Variants in EPSTI1 observed in about 807,000 individuals in gnomAD.
The protein encoded by EPSTI1 is epithelial stromal interaction 1.
A neutral mutation model predicts 49.9 loss-of-function variants in EPSTI1; 66 were observed. The ratio of observed to expected loss-of-function variants is 1.32; its 90% CI spans 1.08 to 1.62. The LOEUF is 1.62. EPSTI1 is among the 40% of genes most tolerant of loss of function. The pLI is 0.00. For missense variants in EPSTI1, 394 were observed against 365.5 expected, an observed-to-expected ratio of 1.08 and a Z score of -0.64; for synonymous variants, 137 against 130.7, an observed-to-expected ratio of 1.05 and a Z score of -0.33.
chr13:42,928,066 C>T (rs1377536164), intron 6 of EPSTI1, among the ~76,000 whole-genome samples: 1 of 152,192 alleles, frequency 6.6e-6, no homozygotes, highest in Non-Finnish European at 1.5e-5. Context: ...GCCTGCAGAG[C>T]CAGCCTCTAT....
rs181485157 is a variant in EPSTI1 at position 42,900,155 on chromosome 13, C to T, written c.815+155G>A. On this transcript the variant is annotated intron_variant, in intron 9 of 10. Coordinates refer to ENST00000313624, the MANE Select transcript of EPSTI1 (RefSeq NM_033255.5). ...ACTTATATATGTAGCAGTTGGCATA[C>T]CTCTACATATATCACGTCCCAATAA... 8.5e-5 allele frequency among the ~76,000 whole-genome samples: 13 copies of T among 152,272 alleles called. No individual in the cohort carries two copies. The East Asian group carries it at 2.5e-3, about 29-fold the overall frequency.
intron 6 of EPSTI1, among the ~76,000 whole-genome samples, chr13:42,953,402 T>A (rs1594717124): frequency 6.6e-6 from 1 of 152,324 alleles, no homozygotes; most frequent in Non-Finnish European, 1.5e-5. Flanking sequence ...CATAACAAAG[T>A]AGATTACGTT....
intron 7 of EPSTI1, among the ~76,000 whole-genome samples, chr13:42,923,432 G>A (rs61563558): frequency 0.011 from 1,639 of 152,234 alleles, 39 homozygotes; most frequent in African/African-American, 0.037. Context: ...GTGGGGGTGC[G>A]TGCCTGTGGT....
chr13:42,927,338 A>G (rs1319376780), intron 6 of EPSTI1, among the ~76,000 whole-genome samples: 8 of 151,902 alleles, frequency 5.3e-5, no homozygotes, highest in African/African-American at 1.9e-4. Flanking sequence ...TCCTTTTCTC[A>G]TGTAATTTGT....
intron 6 of EPSTI1, among the ~76,000 whole-genome samples, chr13:42,941,234 A>G (rs1219936623): frequency 6.6e-6 from 1 of 152,232 alleles, no homozygotes; most frequent in African/African-American, 2.4e-5. Context: ...TGAAAGAAAT[A>G]CTTTCATTCA....
Position 42,926,340 on chromosome 13 carries a change from G to A in EPSTI1, c.653C>T (p.Thr218Ile), listed in dbSNP as rs1369220637. The A allele has an allele frequency of 6.3e-7, 1 of 1,592,912 alleles. No homozygotes were observed. The highest frequency in any genetic ancestry group is 8.6e-7 in the Non-Finnish European group (1 of 1,160,736). The change falls in exon 7 of 11, where the codon ACA becomes ATA. Residue 218 changes from threonine (T) to isoleucine (I), a missense_variant. Transcript: ENST00000313624. ...CCTGCAAAGTAATTCACTTACCCAT[G>A]TTGAGGATTGTGGGCCACAAACAGC... ...QSAVCGPQSS[T>I]WARSWAYRDS...
intron 1 of EPSTI1, among the ~76,000 whole-genome samples, chr13:42,990,282 C>T (rs1355176060): frequency 2.6e-5 from 4 of 151,398 alleles, no homozygotes; most frequent in Non-Finnish European, 4.4e-5. Context: ...AAATAGTGTA[C>T]AGTGAGCTCT....
intron 5 of EPSTI1, among the ~76,000 whole-genome samples, chr13:42,955,890 A>AAGT: frequency 9.8e-6 from 1 of 102,494 alleles, no homozygotes; most frequent in Admixed American, 1.0e-4. Context: ...GGGGGGGGGG[A>AAGT]AGTAGTAGTA....
At chr13:42,971,207 G>C (rs1031080558) in intron 1 of EPSTI1, among the ~76,000 whole-genome samples, 1 of 152,122 alleles carries the variant, frequency 6.6e-6, no homozygotes. Flanking sequence ...TCAGGGGCTC[G>C]GAGAAGCAAG....
chr13:42,927,084 A>G (rs969709320), intron 6 of EPSTI1, among the ~76,000 whole-genome samples: 1 of 152,106 alleles, frequency 6.6e-6, no homozygotes, highest in East Asian at 1.9e-4. Context: ...GTTTATCTAT[A>G]GAGGTTAAAA....
intron 1 of EPSTI1, among the ~76,000 whole-genome samples, chr13:42,990,642 C>G (rs1392364345): frequency 6.6e-6 from 1 of 152,146 alleles, no homozygotes; most frequent in South Asian, 2.1e-4. Context: ...GAAAGAAATG[C>G]AACAATCTCT....
chr13:42,952,274 A>G (rs2039122194), intron 6 of EPSTI1, among the ~76,000 whole-genome samples: 1 of 152,100 alleles, frequency 6.6e-6, no homozygotes, highest in African/African-American at 2.4e-5. Context: ...TCCACAATAA[A>G]TCTTGCTGCT....
chr13:42,888,591 G>A lies in EPSTI1; in HGVS notation c.916-89C>T, dbSNP rs933959423. On this transcript the variant is annotated intron_variant, in intron 10 of 10. Coordinates refer to ENST00000313624, the MANE Select transcript of EPSTI1 (RefSeq NM_033255.5). ...CAAAAATGAAGTTCCTGCAAAGAAC[G>A]CTCTTATGCATCAAGCTGAAATGAC... The A allele has an allele frequency of 1.1e-5, 15 of 1,340,970 alleles. No homozygotes were observed. In the East Asian group the frequency reaches 2.5e-4, roughly 23 times the overall value. 83.1% of individuals were successfully genotyped at this position (1,340,970 alleles called of 1,614,324 possible).
In EPSTI1 at chr13:42,922,665, T is replaced by G. The variant is rs2038045444; in HGVS notation, c.657+3671A>C. On this transcript the variant is annotated intron_variant, in intron 7 of 10. Transcript: ENST00000313624. The surrounding 1 kb of genome is among the most constrained non-coding windows in gnomAD (Gnocchi z 4.8). ...ACAGCAGCAAAGGGAAGTGTTCAAA[T>G]GTTGCGGTGGAAGTGGGATTCAAGC... is the stretch of plus-strand genomic sequence containing the variant. Among the ~76,000 whole-genome samples, 1 of 152,194 alleles carries G rather than the reference T, an allele frequency of 6.6e-6. No homozygotes were observed. Among genetic ancestry groups the G allele is most frequent in the African/African-American group, 2.4e-5 (1 of 41,466 alleles).
intron 6 of EPSTI1, among the ~76,000 whole-genome samples, chr13:42,943,412 T>A (rs1358232076): frequency 6.6e-6 from 1 of 152,230 alleles, no homozygotes; most frequent in Non-Finnish European, 1.5e-5. Flanking sequence ...CCAAACACTA[T>A]CCTGGATCTC....
intron 6 of EPSTI1, among the ~76,000 whole-genome samples, chr13:42,929,405 A>G (rs893246185): frequency 1.3e-5 from 2 of 152,154 alleles, no homozygotes; most frequent in Admixed American, 1.3e-4. Context: ...CCACATTCTG[A>G]TGGCACTCAA....
chr13:42,956,591 T>C (rs948693414), intron 5 of EPSTI1, among the ~76,000 whole-genome samples: 2 of 151,990 alleles, frequency 1.3e-5, no homozygotes, highest in African/African-American at 2.4e-5. Context: ...GCAGAGGAGG[T>C]GTCTTTTTCT....
At position 42,965,841 on chromosome 13, in the gene EPSTI1, G is replaced by A. The variant is rs556927347; in HGVS notation, c.332-1702C>T. On this transcript the variant is annotated intron_variant, in intron 3 of 10. Transcript: ENST00000313624. The stretch of plus-strand genomic sequence containing the variant: ...TCTCCCCACGGTCTCCCTCTCATGC[G>A]GAGCCGAAGCTGGACTGTACTGCTG... 4.4e-3 allele frequency among the ~76,000 whole-genome samples: 236 copies of A among 53,844 alleles called. 38 individuals are homozygous for A. Among genetic ancestry groups the A allele is most frequent in the African/African-American group, 0.012 (224 of 19,428 alleles). 35.3% of individuals were successfully genotyped at this position (53,844 alleles called of 152,430 possible).
At position 42,894,172 on chromosome 13, in the gene EPSTI1, T is replaced by C. The variant is rs1330987771; in HGVS notation, c.915+837A>G. ...GTAAGATTTCTAACAGATTGACTTCTCAAACATGATCTTTTGTCTGTCAAG... is the reference window on the plus strand; with the variant it reads ...GTAAGATTTCTAACAGATTGACTTCCCAAACATGATCTTTTGTCTGTCAAG... On this transcript the variant is annotated intron_variant, in intron 10 of 10. Transcript: ENST00000313624. 2.6e-5 allele frequency among the ~76,000 whole-genome samples: 4 copies of C among 152,384 alleles called. No individual in the cohort carries two copies. In the South Asian group the frequency reaches 6.2e-4, roughly 24 times the overall value.
Sources: gnomAD v4.1 joint callset for allele counts (sites outside exome capture counted in the v4.1 genomes callset) on GRCh38, gnomAD v4.1.1 for gene constraint, Gnocchi (gnomAD v3.1) non-coding constraint, MANE v1.5 for transcripts, NCBI Gene and HGNC (gene_info 2026-07-23, HGNC 2026-07-21) for gene names.